The following NPLOC4 variants were observed in gnomAD, a reference collection of about 807,000 sequenced individuals.
The protein encoded by NPLOC4 is NPL4 homolog, ubiquitin recognition factor.
Under a neutral mutation model 80.6 loss-of-function variants are expected in NPLOC4, and 18 were observed. That is an observed-to-expected ratio of 0.22 (90% confidence interval 0.15 to 0.33). The LOEUF (loss-of-function observed/expected upper bound fraction) is 0.33. Ranked by LOEUF, NPLOC4 falls within the 10% of genes least tolerant of loss-of-function variation. The pLI is 1.00. For synonymous variants in NPLOC4, 313 were observed against 301.5 expected, an observed-to-expected ratio of 1.04 and a Z score of -0.39; for missense variants, 540 against 786.1, an observed-to-expected ratio of 0.69 and a Z score of 3.74.
At chr17:81,614,005 G>C (rs548429279) in intron 3 of NPLOC4, among the ~76,000 whole-genome samples, 2 of 152,060 alleles carry the variant, frequency 1.3e-5, no homozygotes, top group East Asian at 3.9e-4. Flanking sequence ...GGCCAGGCTC[G>C]GTGGCTCATG....
At chr17:81,625,559 G>C (rs1480186165) in intron 2 of NPLOC4, among the ~76,000 whole-genome samples, 2 of 152,176 alleles carry the variant, frequency 1.3e-5, no homozygotes, top group African/African-American at 2.4e-5. Context: ...GGGCTTATCA[G>C]CAGAAGGGAG....
intron 12 of NPLOC4, among the ~76,000 whole-genome samples, chr17:81,573,139 GA>G (rs2034205187): frequency 3.3e-5 from 5 of 152,074 alleles, no homozygotes; most frequent in Admixed American, 3.3e-4. Context: ...TGCAAGAGGG[GA>G]TCACATTTTC....
At chr17:81,608,557 A>G (rs1478957850) in intron 6 of NPLOC4, among the ~76,000 whole-genome samples, 171 bp downstream of exon 6, 3 of 152,220 alleles carry the variant, frequency 2.0e-5, no homozygotes, top group Non-Finnish European at 4.4e-5. Flanking sequence ...AAAAACATAT[A>G]TGAGTACATA....
In NPLOC4 at chr17:81,580,221, C is replaced by T. The variant is rs577779844; in HGVS notation, c.1282-8133G>A. Among the ~76,000 whole-genome samples, 38 of 152,262 alleles carry T rather than the reference C, an allele frequency of 2.5e-4. No individual in the cohort carries two copies. In the East Asian group the frequency reaches 3.1e-3, roughly 12 times the overall value. On this transcript the variant is annotated intron_variant, in intron 12 of 16. Coordinates refer to ENST00000331134, the MANE Select transcript of NPLOC4 (RefSeq NM_017921.4). The surrounding 1 kb of genome is among the most constrained non-coding windows in gnomAD (Gnocchi z 4.4). The stretch of plus-strand genomic sequence containing the variant: ...TACCATGTGCCTCTCCCAAGCAATG[C>T]GCTCACCCCGGGTGGTGCCTCTGCA...
At position 81,637,046 on chromosome 17, in the gene NPLOC4, C is replaced by G; in HGVS notation, c.-116G>C. ...GGCCCCGGCCTCCCTACGCCGCCGC[C>G]ACCGCCGCTCCAGCTTCGCCCGCCC... On this transcript the variant is annotated 5_prime_UTR_variant, in exon 1 of 17. Transcript: ENST00000331134. 1 of 548,824 alleles carries G rather than the reference C, an allele frequency of 1.8e-6. No homozygotes were observed. Among genetic ancestry groups the G allele is most frequent in the Non-Finnish European group, 2.6e-6 (1 of 382,592 alleles). 34.0% of individuals were successfully genotyped at this position (548,824 alleles called of 1,614,324 possible). A position where few individuals can be genotyped will look rare whatever the true frequency, so the allele number is the denominator to read the frequency against.
Position 81,604,581 on chromosome 17 carries a change from C to T in NPLOC4, c.801G>A (p.Arg267=). The change falls in exon 8 of 17, where the codon AGG becomes AGA. Residue 267 remains arginine, a synonymous_variant. Coordinates refer to ENST00000331134, the MANE Select transcript of NPLOC4 (RefSeq NM_017921.4). ...GCTCATAAATCGCAGCCACTTCAGCCCTGATGCCAAGGGGAATGTCTTTGT... is the reference window on the plus strand; with the variant it reads ...GCTCATAAATCGCAGCCACTTCAGCTCTGATGCCAAGGGGAATGTCTTTGT... ...TEHKDIPLGI[R]AEVAAIYEPP... is the part of the protein sequence containing the mutation. The T allele has an allele frequency of 1.9e-6, 3 of 1,613,618 alleles. No homozygotes were observed. Among genetic ancestry groups the T allele is most frequent in the Non-Finnish European group, 1.7e-6 (2 of 1,179,726 alleles).
At chr17:81,627,157 G>A (rs916276001) in intron 2 of NPLOC4, among the ~76,000 whole-genome samples, 4 of 151,716 alleles carry the variant, frequency 2.6e-5, no homozygotes, top group African/African-American at 4.8e-5. Context: ...TTGGGAGGCC[G>A]AGGCAGGCGG....
intron 15 of NPLOC4, chr17:81,566,739 C>A (rs762003150): frequency 1.3e-5 from 2 of 152,324 alleles, no homozygotes; most frequent in African/African-American, 4.8e-5. Context: ...GAGTCAGTGG[C>A]GGAGCAGCTC....
intron 16 of NPLOC4, chr17:81,562,481 G>C (rs949031823): frequency 1.3e-5 from 2 of 152,202 alleles, no homozygotes; most frequent in Non-Finnish European, 2.9e-5. Context: ...GGAGGCTGCA[G>C]TGAGCTGAGA....
chr17:81,591,014 C>T (rs915843420), intron 11 of NPLOC4, among the ~76,000 whole-genome samples: 2 of 152,194 alleles, frequency 1.3e-5, no homozygotes, highest in African/African-American at 2.4e-5. Flanking sequence ...ATACAGGCAC[C>T]TCACTTGCCC....
intron 3 of NPLOC4, among the ~76,000 whole-genome samples, chr17:81,616,766 T>C (rs2035504704): frequency 6.7e-6 from 1 of 149,676 alleles, no homozygotes; most frequent in Non-Finnish European, 1.5e-5. Context: ...ACCACGCAAG[T>C]AAGAGTGGGC....
chr17:81,587,674 G>GTTTTTTTTTTTTTT (rs34643456), intron 12 of NPLOC4, among the ~76,000 whole-genome samples: 1 of 93,414 alleles, frequency 1.1e-5, no homozygotes, highest in African/African-American at 4.3e-5. Context: ...GAAAAAAGTT[G>GTTTTTTTTTTTTTT]TTTTTTTTTT....
At chr17:81,609,178 C>T (rs1031925415) in intron 5 of NPLOC4, among the ~76,000 whole-genome samples, 2 of 152,164 alleles carry the variant, frequency 1.3e-5, no homozygotes, top group Non-Finnish European at 2.9e-5. Context: ...CGCCACCACG[C>T]CCAGCTTATT....
chr17:81,584,780 T>A (rs1420025486), intron 12 of NPLOC4, among the ~76,000 whole-genome samples: 3 of 152,018 alleles, frequency 2.0e-5, no homozygotes, highest in Non-Finnish European at 1.5e-5. Context: ...GTAACAGGCT[T>A]AAAAAAAATT....
At chr17:81,606,194 G>A (rs901725899) in intron 7 of NPLOC4, among the ~76,000 whole-genome samples, 6 of 152,130 alleles carry the variant, frequency 3.9e-5, no homozygotes, top group Non-Finnish European at 5.9e-5. Flanking sequence ...AGGAGGCCAC[G>A]GAATTCTCTC....
chr17:81,620,475 G>A (rs1460340612), intron 3 of NPLOC4, among the ~76,000 whole-genome samples: 1 of 152,048 alleles, frequency 6.6e-6, no homozygotes, highest in Non-Finnish European at 1.5e-5. Flanking sequence ...CAGCCTGGGC[G>A]ACAGAGCGAG....
intron 1 of NPLOC4, among the ~76,000 whole-genome samples, chr17:81,631,411 T>C (rs2035921750): frequency 7.5e-6 from 1 of 132,708 alleles, no homozygotes; most frequent in African/African-American, 3.0e-5. Flanking sequence ...TATATGCATA[T>C]TAAAGTGTAC....
chr17:81,613,685 T>C (rs1568155604), intron 3 of NPLOC4, among the ~76,000 whole-genome samples, 191 bp from the exon 4 acceptor site: 4 of 152,206 alleles, frequency 2.6e-5, no homozygotes, highest in African/African-American at 4.8e-5. Flanking sequence ...AAGACCAGTA[T>C]GCAGGTTCTC....
In NPLOC4 at chr17:81,597,328, G is replaced by T; in HGVS notation, c.922-12C>A. On this transcript the variant is annotated splice_polypyrimidine_tract_variant and intron_variant, in intron 9 of 16. Coordinates refer to ENST00000331134, the MANE Select transcript of NPLOC4 (RefSeq NM_017921.4). ...AATATCCAGCCAACCTTAAAAAAAG[G>T]AAAGTAGCTTTTAAACATCTCCTCA... 6.2e-7 allele frequency: 1 copy of T among 1,609,382 alleles called. No homozygotes were observed. The highest frequency in any genetic ancestry group is 8.5e-7 in the Non-Finnish European group (1 of 1,175,820).
Sources: allele counts gnomAD v4.1 joint callset (sites outside exome capture counted in the v4.1 genomes callset), GRCh38; gene constraint gnomAD v4.1.1; non-coding constraint Gnocchi (gnomAD v3.1); transcripts MANE v1.5; gene names NCBI Gene and HGNC (gene_info 2026-07-23, HGNC 2026-07-21).